PARD3B: variants seen among roughly 807,000 people sequenced by gnomAD.
PARD3B encodes par-3 family cell polarity regulator beta, also known as partitioning defective 3 homolog B.
A neutral mutation model predicts 130.2 loss-of-function variants in PARD3B; 103 were observed. The observed-to-expected ratio is 0.79, with a 90% CI of 0.67 to 0.93. The LOEUF (loss-of-function observed/expected upper bound fraction) is 0.93, where lower values mean the gene tolerates loss of function less well. PARD3B is among the 40% of genes least tolerant of loss of function. The pLI is 0.00. For missense variants in PARD3B, 1,609 were observed against 1,499.2 expected, an observed-to-expected ratio of 1.07 and a Z score of -1.21; for synonymous variants, 583 against 553.2, an observed-to-expected ratio of 1.05 and a Z score of -0.76.
At chr2:204,787,726 T>C (rs1363444972) in intron 2 of PARD3B, among the ~76,000 whole-genome samples, 1 of 152,228 alleles carries the variant, frequency 6.6e-6, no homozygotes, top group Non-Finnish European at 1.5e-5. Context: ...GGATAAAATA[T>C]ACTGTAAATT....
At position 204,640,981 on chromosome 2, in the gene PARD3B, A is replaced by C. The variant is rs1489614254; in HGVS notation, c.121-45200A>C. ...ACTGTATATATAATATATATTTACT[A>C]TACACACATATTTACTGTACATATA... is the stretch of plus-strand genomic sequence containing the variant. On this transcript the variant is annotated intron_variant, in intron 1 of 22. Coordinates refer to ENST00000406610, the MANE Select transcript of PARD3B (RefSeq NM_001302769.2). 9.5e-5 allele frequency among the ~76,000 whole-genome samples: 14 copies of C among 147,958 alleles called. No individual in the cohort carries two copies. In the Admixed American group the frequency reaches 9.5e-4, roughly 10 times the overall value.
intron 16 of PARD3B, among the ~76,000 whole-genome samples, chr2:205,259,883 G>C (rs1471073437): frequency 6.6e-6 from 1 of 152,022 alleles, no homozygotes; most frequent in Non-Finnish European, 1.5e-5. Flanking sequence ...GATATTTTGG[G>C]GATGGGACCC....
chr2:205,155,817 A>G (rs1575988717), intron 10 of PARD3B, among the ~76,000 whole-genome samples: 1 of 152,134 alleles, frequency 6.6e-6, no homozygotes, highest in Admixed American at 6.5e-5. Flanking sequence ...GCATTTTTTC[A>G]TGTGTTTTTT....
intron 2 of PARD3B, among the ~76,000 whole-genome samples, chr2:204,853,368 A>T (rs530736660): frequency 6.6e-6 from 1 of 152,320 alleles, no homozygotes; most frequent in African/African-American, 2.4e-5. Flanking sequence ...ATTTTGAATA[A>T]CAGTTTTTTA....
chr2:204,998,360 G>A (rs866141053), intron 3 of PARD3B, among the ~76,000 whole-genome samples: 1,217 of 46,298 alleles, frequency 0.026, 15 homozygotes, highest in Non-Finnish European at 0.032. Flanking sequence ...ATATATATAT[G>A]TGTGTGTGTG....
rs1243323931 is a variant in PARD3B at position 204,890,599 on chromosome 2, G to T, written c.223-74553G>T. Among the ~76,000 whole-genome samples the T allele has an allele frequency of 6.6e-6, 1 of 152,078 alleles. No homozygotes were observed. Among genetic ancestry groups the T allele is most frequent in the Non-Finnish European group, 1.5e-5 (1 of 68,022 alleles). Reference sequence around the variant, plus strand: ...CCCACCACATCCCCTTATAGTCTTTGTCTGAGGATTTCACTATAAATGAAA... The same window carrying T: ...CCCACCACATCCCCTTATAGTCTTTTTCTGAGGATTTCACTATAAATGAAA... On this transcript the variant is annotated intron_variant, in intron 2 of 22. Coordinates refer to ENST00000406610, the MANE Select transcript of PARD3B (RefSeq NM_001302769.2). This position sits in a 1 kb window ranked among gnomAD's most constrained non-coding sequence, Gnocchi z 4.9.
intron 2 of PARD3B, among the ~76,000 whole-genome samples, chr2:204,923,143 A>G (rs919636892): frequency 2.6e-5 from 4 of 152,096 alleles, no homozygotes; most frequent in African/African-American, 9.7e-5. Flanking sequence ...ACCCATTATT[A>G]ATTATATCAA....
intron 2 of PARD3B, among the ~76,000 whole-genome samples, chr2:204,783,807 A>G (rs2041920555): frequency 6.6e-6 from 1 of 152,058 alleles, no homozygotes; most frequent in Non-Finnish European, 1.5e-5. Flanking sequence ...CCTATTAGCT[A>G]TTCTGCCTCT....
intron 2 of PARD3B, among the ~76,000 whole-genome samples, chr2:204,806,822 A>G (rs2042783283): frequency 6.6e-6 from 1 of 152,196 alleles, no homozygotes; most frequent in Non-Finnish European, 1.5e-5. Context: ...GATTTTTTAA[A>G]TGGGCAAAAG....
chr2:204,579,116 A>AATCATC (rs374676828), intron 1 of PARD3B, among the ~76,000 whole-genome samples: 3,194 of 150,786 alleles, frequency 0.021, 102 homozygotes, highest in African/African-American at 0.066. Flanking sequence ...TATGAAAGGA[A>AATCATC]ATCATCATCA....
In PARD3B at chr2:205,224,370, C is replaced by CAAAAA. The variant is rs1231030778; in HGVS notation, c.2141-21394_2141-21390dup. The stretch of plus-strand genomic sequence containing the variant: ...TGGGCCACAGAGCGAGACTCCGTCT[C>CAAAAA]AAAAAAAAAAAAAAAAAAGAAAGAA... On this transcript the variant is annotated intron_variant, in intron 15 of 22. Transcript: ENST00000406610. Among the ~76,000 whole-genome samples, 221 of 55,978 alleles carry CAAAAA rather than the reference C, an allele frequency of 3.9e-3. 36 individuals are homozygous for CAAAAA. The highest frequency in any genetic ancestry group is 0.013 in the African/African-American group (155 of 11,874). The allele number at this position is 55,978 out of a possible 152,430, so 36.7% of individuals were successfully genotyped here.
intron 1 of PARD3B, among the ~76,000 whole-genome samples, chr2:204,570,597 G>A (rs1223475863): frequency 6.6e-6 from 1 of 152,192 alleles, no homozygotes; most frequent in Non-Finnish European, 1.5e-5. Context: ...GGAAGGAAGT[G>A]ATAATGACTT....
intron 20 of PARD3B, among the ~76,000 whole-genome samples, chr2:205,489,522 T>C (rs10178768): frequency 0.45 from 56,830 of 124,966 alleles, 12,261 homozygotes; most frequent in Admixed American, 0.55. Context: ...TATATATATA[T>C]ACACACATAT....
At chr2:205,184,729 G>A (rs764563944) in intron 13 of PARD3B, among the ~76,000 whole-genome samples, 40 of 151,818 alleles carry the variant, frequency 2.6e-4, no homozygotes, top group Admixed American at 9.2e-4. Context: ...GTGGCAGAGC[G>A]AGACTCCATC....
At position 205,568,108 on chromosome 2, in the gene PARD3B, A is replaced by G. The variant is rs1376706381; in HGVS notation, c.3260+14705A>G. On this transcript the variant is annotated intron_variant, in intron 22 of 22. Transcript: ENST00000406610. The surrounding 1 kb of genome is among the most constrained non-coding windows in gnomAD (Gnocchi z 5.3). ...AGGCAGCACAGATGCTTGGATAAGG[A>G]CCGTAGTGGACAGAAGTGCTGCAGT... 1.3e-5 allele frequency among the ~76,000 whole-genome samples: 2 copies of G among 152,234 alleles called. No individual in the cohort carries two copies. The highest frequency in any genetic ancestry group is 3.9e-4 in the East Asian group (2 of 5,192).
chr2:204,839,363 TCTTA>T (rs1452550482), intron 2 of PARD3B, among the ~76,000 whole-genome samples: 3 of 152,342 alleles, frequency 2.0e-5, no homozygotes, highest in African/African-American at 7.2e-5. Context: ...AAAAGTATTC[TCTTA>T]CTTCTAGTAA....
At chr2:204,836,199 T>C (rs1181878253) in intron 2 of PARD3B, among the ~76,000 whole-genome samples, 1 of 152,190 alleles carries the variant, frequency 6.6e-6, no homozygotes, top group Non-Finnish European at 1.5e-5. Context: ...CTATTGCATT[T>C]ATCAAGGGAG....
At chr2:205,072,501 G>C (rs1421852660) in intron 4 of PARD3B, among the ~76,000 whole-genome samples, 1 of 152,012 alleles carries the variant, frequency 6.6e-6, no homozygotes, top group African/African-American at 2.4e-5. Context: ...TCTACCCACC[G>C]TGGCCTCCCC....
chr2:205,138,247 A>G (rs1180216213), intron 10 of PARD3B, among the ~76,000 whole-genome samples: 1 of 152,162 alleles, frequency 6.6e-6, no homozygotes, highest in Non-Finnish European at 1.5e-5. Flanking sequence ...TTTTATGCAA[A>G]TACAGTGTTG....
Sources: allele counts gnomAD v4.1 joint callset (sites outside exome capture counted in the v4.1 genomes callset), GRCh38; gene constraint gnomAD v4.1.1; non-coding constraint Gnocchi (gnomAD v3.1); transcripts MANE v1.5; gene names NCBI Gene and HGNC (gene_info 2026-07-23, HGNC 2026-07-21).